SNTG1: variants seen among roughly 807,000 people sequenced by gnomAD.
SNTG1 encodes the protein gamma-1-syntrophin.
A neutral mutation model predicts 74.7 loss-of-function variants in SNTG1; 39 were observed. That is an observed-to-expected ratio of 0.52 (90% CI 0.40 to 0.68). The LOEUF (loss-of-function observed/expected upper bound fraction) is 0.68, where lower values mean the gene tolerates loss of function less well. SNTG1 is among the 30% of genes least tolerant of loss of function. The pLI, the probability that SNTG1 is intolerant of heterozygous loss-of-function variation, is 0.00. For missense variants in SNTG1, 685 were observed against 609.5 expected, an observed-to-expected ratio of 1.12 and a Z score of -1.30; for synonymous variants, 254 against 217.1, an observed-to-expected ratio of 1.17 and a Z score of -1.49.
chr8:50,155,844 G>A (rs2082236557), intron 1 of SNTG1, among the ~76,000 whole-genome samples: 2 of 151,716 alleles, frequency 1.3e-5, no homozygotes, highest in Admixed American at 1.3e-4. Flanking sequence ...AAATAATAAA[G>A]ACAAAAGTTG....
At chr8:50,242,450 C>A (rs1461982160) in intron 2 of SNTG1, among the ~76,000 whole-genome samples, 1 of 149,844 alleles carries the variant, frequency 6.7e-6, no homozygotes, top group African/African-American at 2.4e-5. Context: ...ATCACTTGAA[C>A]CTGGCAGGTG....
At chr8:50,472,076 A>G (rs113349488) in intron 8 of SNTG1, among the ~76,000 whole-genome samples, 33 of 152,310 alleles carry the variant, frequency 2.2e-4, no homozygotes, top group African/African-American at 7.5e-4. Context: ...GACATCCTAT[A>G]TTCATGGACT....
intron 9 of SNTG1, among the ~76,000 whole-genome samples, chr8:50,521,109 G>A (rs1266308614): frequency 6.6e-6 from 1 of 152,144 alleles, no homozygotes; most frequent in Non-Finnish European, 1.5e-5. Flanking sequence ...ATGAGTTCAT[G>A]TTCTTTGCAG....
At chr8:50,406,335 T>C (rs937267564) in intron 4 of SNTG1, among the ~76,000 whole-genome samples, 10 of 152,160 alleles carry the variant, frequency 6.6e-5, no homozygotes, top group Non-Finnish European at 1.0e-4. Flanking sequence ...AGTTTACTTT[T>C]GGATTATTTA....
chr8:50,454,596 C>T lies in SNTG1; in HGVS notation c.363+3867C>T, dbSNP rs541837362. ...GTGGCTCACGCCTGTAATCCCAGCACTTTGGGAGGCCCAGGAGGGCAGATC... is the reference window on the plus strand; with the variant it reads ...GTGGCTCACGCCTGTAATCCCAGCATTTTGGGAGGCCCAGGAGGGCAGATC... On this transcript the variant is annotated intron_variant, in intron 8 of 18. Transcript: ENST00000642720. Among the ~76,000 whole-genome samples, 48 of 151,796 alleles carry T rather than the reference C, an allele frequency of 3.2e-4. No individual in the cohort carries two copies. The South Asian group carries it at 9.3e-3, about 30-fold the overall frequency.
At chr8:50,545,245 T>C (rs2130514900) in intron 11 of SNTG1, among the ~76,000 whole-genome samples, 1 of 151,728 alleles carries the variant, frequency 6.6e-6, no homozygotes, top group Middle Eastern at 3.4e-3. Flanking sequence ...ATCATGATAT[T>C]TTTATCAGTA....
intron 10 of SNTG1, among the ~76,000 whole-genome samples, chr8:50,534,215 G>T (rs1184431871): frequency 6.6e-6 from 1 of 152,122 alleles, no homozygotes; most frequent in Non-Finnish European, 1.5e-5. Flanking sequence ...AGTGAATCCT[G>T]GGGGTGCCCT....
At chr8:50,481,924 C>T (rs188716405) in intron 8 of SNTG1, among the ~76,000 whole-genome samples, 138 of 152,282 alleles carry the variant, frequency 9.1e-4, no homozygotes, top group Non-Finnish European at 1.3e-3. Flanking sequence ...GACAGTCAGT[C>T]CCAGCAGTGA....
intron 9 of SNTG1, among the ~76,000 whole-genome samples, chr8:50,516,998 T>C (rs1585544337): frequency 6.6e-6 from 1 of 152,238 alleles, no homozygotes; most frequent in African/African-American, 2.4e-5. Flanking sequence ...AGTCATCAGA[T>C]TCAACACGGT....
intron 1 of SNTG1, among the ~76,000 whole-genome samples, chr8:49,966,423 C>G (rs1245994816): frequency 6.7e-6 from 1 of 148,468 alleles, no homozygotes; most frequent in Non-Finnish European, 1.5e-5. Flanking sequence ...TTGACAGAGT[C>G]TCGGTCTGTT....
intron 1 of SNTG1, among the ~76,000 whole-genome samples, chr8:49,974,050 A>T (rs1811964212): frequency 6.6e-6 from 1 of 152,148 alleles, no homozygotes; most frequent in African/African-American, 2.4e-5. Flanking sequence ...TCATCATTTC[A>T]AGTTTTCACT....
intron 13 of SNTG1, among the ~76,000 whole-genome samples, chr8:50,611,241 A>G (rs976756103): frequency 3.9e-5 from 6 of 152,264 alleles, no homozygotes; most frequent in Admixed American, 3.3e-4. Flanking sequence ...GTTAGAAAAT[A>G]TACAGCATCA....
chr8:50,182,803 C>T (rs772974546), intron 2 of SNTG1, among the ~76,000 whole-genome samples: 1 of 152,100 alleles, frequency 6.6e-6, no homozygotes, highest in African/African-American at 2.4e-5. Flanking sequence ...TCATCTTAAA[C>T]CTGCATCCCA....
intron 1 of SNTG1, among the ~76,000 whole-genome samples, chr8:49,942,594 G>A (rs1189823992): frequency 6.6e-6 from 1 of 152,022 alleles, no homozygotes; most frequent in African/African-American, 2.4e-5. Context: ...TGTCTCCTCA[G>A]CCTCCTCTTA....
At chr8:50,027,037 C>G (rs919366255) in intron 1 of SNTG1, among the ~76,000 whole-genome samples, 4 of 152,094 alleles carry the variant, frequency 2.6e-5, no homozygotes, top group East Asian at 1.9e-4. Flanking sequence ...AGCTGGCCAC[C>G]CACTTCTAGC....
intron 2 of SNTG1, among the ~76,000 whole-genome samples, chr8:50,219,567 T>C (rs2084957970): frequency 6.6e-6 from 1 of 151,984 alleles, no homozygotes; most frequent in Admixed American, 6.6e-5. Context: ...TACAATCATA[T>C]GGGAAGTCAA....
At chr8:50,434,090 C>A (rs567030618) in intron 4 of SNTG1, among the ~76,000 whole-genome samples, 21 of 142,284 alleles carry the variant, frequency 1.5e-4, no homozygotes, top group African/African-American at 5.4e-4. Flanking sequence ...CTTCCTGTGT[C>A]CAAGTGTTCT....
intron 1 of SNTG1, among the ~76,000 whole-genome samples, chr8:50,028,417 A>C (rs187303273): frequency 6.6e-6 from 1 of 152,248 alleles, no homozygotes; most frequent in Admixed American, 6.5e-5. Flanking sequence ...GCTATTATGA[A>C]TAATTGTGTA....
At chr8:49,952,781 T>A (rs11786880) in intron 1 of SNTG1, among the ~76,000 whole-genome samples, 2 of 152,136 alleles carry the variant, frequency 1.3e-5, no homozygotes, top group African/African-American at 4.8e-5. Flanking sequence ...GTTAAATATA[T>A]AGGACTTTTT....
Sources: gnomAD v4.1 joint callset for allele counts (sites outside exome capture counted in the v4.1 genomes callset) on GRCh38, gnomAD v4.1.1 for gene constraint, MANE v1.5 for transcripts, NCBI Gene and HGNC (gene_info 2026-07-23, HGNC 2026-07-21) for gene names.